Variants in PARD3B observed in about 807,000 individuals in gnomAD.
PARD3B encodes the protein partitioning defective 3 homolog B.
PARD3B carries 103 observed loss-of-function variants against 130.2 expected under a neutral mutation model. The ratio of observed to expected loss-of-function variants is 0.79; its 90% CI spans 0.67 to 0.93. PARD3B has a LOEUF of 0.93. PARD3B is among the 40% of genes least tolerant of loss of function. PARD3B has a pLI of 0.00. For missense variants in PARD3B, 1,609 were observed against 1,499.2 expected (o/e 1.07, Z -1.21); for synonymous variants, 583 against 553.2 (o/e 1.05, Z -0.76).
intron 3 of PARD3B, among the ~76,000 whole-genome samples, chr2:205,014,045 G>T (rs79785534): frequency 2.0e-5 from 3 of 152,160 alleles, no homozygotes; most frequent in African/African-American, 7.2e-5. Flanking sequence ...GAATTGCCTT[G>T]CTAACCAGCT....
Position 205,265,973 on chromosome 2 carries a change from A to G in PARD3B, c.2185+20151A>G, listed in dbSNP as rs2040488012. Among the ~76,000 whole-genome samples the G allele has an allele frequency of 6.6e-6, 1 of 152,122 alleles. No homozygotes were observed. The highest frequency in any genetic ancestry group is 1.9e-4 in the East Asian group (1 of 5,192). On this transcript the variant is annotated intron_variant, in intron 16 of 22. Transcript: ENST00000406610. The surrounding 1 kb of genome is among the most constrained non-coding windows in gnomAD (Gnocchi z 4.3). ...TTAAAAGCAGCATGCACATCCTATAAGGCATCAGTCAGAAGACTCATTAGA... is the reference window on the plus strand; with the variant it reads ...TTAAAAGCAGCATGCACATCCTATAGGGCATCAGTCAGAAGACTCATTAGA...
chr2:205,527,480 T>C (rs141361650), intron 21 of PARD3B, among the ~76,000 whole-genome samples: 5 of 152,234 alleles, frequency 3.3e-5, no homozygotes, highest in Non-Finnish European at 5.9e-5. Context: ...ATCACTAATG[T>C]TTGAGTTTCA....
chr2:205,127,851 C>T (rs966001308), intron 10 of PARD3B, among the ~76,000 whole-genome samples: 1 of 152,216 alleles, frequency 6.6e-6, no homozygotes, highest in Middle Eastern at 3.2e-3. Context: ...TCTCCTCACA[C>T]TTTCTAGAGA....
chr2:204,617,947 G>A lies in PARD3B; in HGVS notation c.121-68234G>A, dbSNP rs895319501. On this transcript the variant is annotated intron_variant, in intron 1 of 22. Coordinates refer to ENST00000406610, the MANE Select transcript of PARD3B (RefSeq NM_001302769.2). ...CATTTCCTTTAGCCAGTCCACTGTT[G>A]ATAGGCATCTAGGTTGATTCCATGT... Among the ~76,000 whole-genome samples the A allele has an allele frequency of 7.9e-5, 12 of 152,278 alleles. 1 individual carries two copies. The highest frequency in any genetic ancestry group is 2.6e-4 in the African/African-American group (11 of 41,546).
chr2:205,388,353 A>G (rs1294491077), intron 18 of PARD3B, among the ~76,000 whole-genome samples: 1 of 152,230 alleles, frequency 6.6e-6, no homozygotes, highest in East Asian at 1.9e-4. Flanking sequence ...AGGAAGAACA[A>G]AATACACTTA....
intron 4 of PARD3B, among the ~76,000 whole-genome samples, chr2:205,096,256 A>G (rs768711289): frequency 3.5e-4 from 53 of 152,122 alleles, no homozygotes; most frequent in Non-Finnish European, 6.0e-4. Context: ...CTTATCCCCA[A>G]TATAAAGAAA....
At chr2:205,476,843 T>C (rs2049038847) in intron 20 of PARD3B, among the ~76,000 whole-genome samples, 1 of 152,220 alleles carries the variant, frequency 6.6e-6, no homozygotes, top group Non-Finnish European at 1.5e-5. Context: ...TGATTTTGTT[T>C]CTTCATGTGT....
intron 2 of PARD3B, among the ~76,000 whole-genome samples, chr2:204,772,092 A>T (rs1046118401): frequency 6.6e-6 from 1 of 152,106 alleles, no homozygotes; most frequent in African/African-American, 2.4e-5. Flanking sequence ...TTCATTTTGA[A>T]TATGGAGATT....
rs2034368385 is a variant in PARD3B at position 204,623,329 on chromosome 2, C to T, written c.121-62852C>T. ...ATGTGAGTATAGCTCGATGTTGTTA[C>T]CTGTATAGATTAATGTCACCATTAC... On this transcript the variant is annotated intron_variant, in intron 1 of 22. Transcript: ENST00000406610. This position sits in a 1 kb window ranked among gnomAD's most constrained non-coding sequence, Gnocchi z 4.5. Among the ~76,000 whole-genome samples, 1 of 152,006 alleles carries T rather than the reference C, an allele frequency of 6.6e-6. No homozygotes were observed. The highest frequency in any genetic ancestry group is 1.5e-5 in the Non-Finnish European group (1 of 67,974).
intron 2 of PARD3B, among the ~76,000 whole-genome samples, chr2:204,699,515 A>G (rs559490420): frequency 7.8e-4 from 119 of 152,210 alleles, no homozygotes; most frequent in African/African-American, 2.8e-3. Flanking sequence ...AGGTTAAGCG[A>G]GTGAGATTCC....
rs138478713 is a variant in PARD3B at position 205,412,027 on chromosome 2, T to C, written c.2741+10904T>C. 1.9e-4 allele frequency among the ~76,000 whole-genome samples: 29 copies of C among 152,220 alleles called. 1 individual carries two copies. The East Asian group carries it at 5.6e-3, about 29-fold the overall frequency. ...TGCATTTCCATTCTATATATTACAT[T>C]AAGGGGGTGGCAACTCCGATCTGCT... is the stretch of plus-strand genomic sequence containing the variant. On this transcript the variant is annotated intron_variant, in intron 19 of 22. Coordinates refer to ENST00000406610, the MANE Select transcript of PARD3B (RefSeq NM_001302769.2).
intron 1 of PARD3B, among the ~76,000 whole-genome samples, chr2:204,598,781 A>G (rs1028627846): frequency 6.6e-6 from 1 of 152,000 alleles, no homozygotes; most frequent in Non-Finnish European, 1.5e-5. Flanking sequence ...CGTATCCATC[A>G]TTATTTCCTT....
intron 13 of PARD3B, among the ~76,000 whole-genome samples, chr2:205,178,103 C>T (rs886573911): frequency 5.2e-5 from 6 of 115,096 alleles, no homozygotes; most frequent in South Asian, 3.0e-4. Flanking sequence ...GTCGGAAGTT[C>T]GAGACCAGCC....
chr2:205,462,086 A>C (rs1398390614), intron 20 of PARD3B, among the ~76,000 whole-genome samples: 6 of 152,212 alleles, frequency 3.9e-5, no homozygotes, highest in Non-Finnish European at 1.5e-5. Flanking sequence ...TAATGGATCT[A>C]GCTTAGTGAC....
chr2:205,246,400 C>A (rs898372104), intron 16 of PARD3B, among the ~76,000 whole-genome samples: 1 of 152,066 alleles, frequency 6.6e-6, no homozygotes, highest in South Asian at 2.1e-4. Flanking sequence ...ACCTTCACTC[C>A]TAAAATCCAA....
At chr2:204,773,209 T>C (rs2041463888) in intron 2 of PARD3B, among the ~76,000 whole-genome samples, 1 of 151,954 alleles carries the variant, frequency 6.6e-6, no homozygotes, top group South Asian at 2.1e-4. Context: ...CTATATAAAA[T>C]GCACCATTTT....
intron 18 of PARD3B, among the ~76,000 whole-genome samples, chr2:205,383,722 C>G (rs1158111078): frequency 2.0e-5 from 3 of 151,952 alleles, no homozygotes; most frequent in Admixed American, 2.0e-4. Flanking sequence ...CCCCAGATTT[C>G]CCCCTCACCC....
chr2:204,802,758 G>T (rs564818322), intron 2 of PARD3B, among the ~76,000 whole-genome samples: 1 of 151,926 alleles, frequency 6.6e-6, no homozygotes, highest in Non-Finnish European at 1.5e-5. Flanking sequence ...ACCAAACACC[G>T]CATATTCTCA....
At position 205,557,356 on chromosome 2, in the gene PARD3B, C is replaced by T. The variant is rs1037287502; in HGVS notation, c.3260+3953C>T. On this transcript the variant is annotated intron_variant, in intron 22 of 22. Coordinates refer to ENST00000406610, the MANE Select transcript of PARD3B (RefSeq NM_001302769.2). ...CCCTTTCTACTCCCGTTAAGTTCTA[C>T]GAAGATGACTAAACTCCCCAAGCCC... Among the ~76,000 whole-genome samples, 9 of 152,286 alleles carry T rather than the reference C, an allele frequency of 5.9e-5. No homozygotes were observed. In the East Asian group the frequency reaches 1.2e-3, roughly 20 times the overall value.
Sources: gnomAD v4.1 joint callset for allele counts (sites outside exome capture counted in the v4.1 genomes callset) on GRCh38, gnomAD v4.1.1 for gene constraint, Gnocchi (gnomAD v3.1) non-coding constraint, MANE v1.5 for transcripts, NCBI Gene and HGNC (gene_info 2026-07-23, HGNC 2026-07-21) for gene names.